The following NDUFB7 variants were observed in gnomAD, a reference collection of about 807,000 sequenced individuals.
NDUFB7 encodes NADH:ubiquinone oxidoreductase subunit B7.
In NDUFB7, 18 loss-of-function variants were observed where a neutral mutation model predicts 14.7. The observed-to-expected ratio is 1.22, with a 90% CI of 0.85 to 1.81. The LOEUF is 1.81. NDUFB7 is among the 40% of genes most tolerant of loss of function. The pLI, the probability that NDUFB7 is intolerant of heterozygous loss-of-function variation, is 0.00. For missense variants in NDUFB7, 219 were observed against 195.0 expected (o/e 1.12, Z -0.73); for synonymous variants, 86 against 76.1 (o/e 1.13, Z -0.68).
In NDUFB7 at chr19:14,566,828, C is replaced by T. The variant is rs13018; in HGVS notation, c.218G>A (p.Ser73Asn). The change falls in exon 2 of 3, where the codon AGC becomes AAC. Residue 73 changes from serine to asparagine, a missense_variant. Coordinates refer to ENST00000215565, the MANE Select transcript of NDUFB7 (RefSeq NM_004146.6). The part of the protein sequence containing the change: ...LIRLLKCKRD[S>N]FPNFLACKQE... ...CTTGCAGGCCAGGAAGTTGGGGAAG[C>T]TGTCACGCTTGCACTTGAGCAGCCG... 1 of 1,553,590 alleles carries T rather than the reference C, an allele frequency of 6.4e-7. No individual in the cohort carries two copies. The highest frequency in any genetic ancestry group is 8.7e-7 in the Non-Finnish European group (1 of 1,150,156).
chr19:14,568,598 A>C (rs1032225533), intron 1 of NDUFB7, among the ~76,000 whole-genome samples: 17 of 152,108 alleles, frequency 1.1e-4, no homozygotes, highest in African/African-American at 3.4e-4. Flanking sequence ...AACACAACAC[A>C]CAAGTGTCCC....
chr19:14,566,654 G>C, intron 2 of NDUFB7, 111 bp downstream of exon 2: 1 of 982,472 alleles, frequency 1.0e-6, no homozygotes. Flanking sequence ...GTGGGAGGGG[G>C]GCTTGGGCGG....
intron 1 of NDUFB7, among the ~76,000 whole-genome samples, chr19:14,569,691 C>T (rs927910835): frequency 2.6e-5 from 4 of 152,144 alleles, no homozygotes; most frequent in African/African-American, 9.7e-5. Flanking sequence ...GGAGTGTGGA[C>T]ACTGGAGTGA....
intron 2 of NDUFB7, 82 bp from the exon 3 acceptor site, chr19:14,566,347 C>G (rs1052415639): frequency 6.3e-7 from 1 of 1,596,492 alleles, no homozygotes; most frequent in African/African-American, 1.3e-5. Flanking sequence ...AGGGGCCGTC[C>G]CAGAGCACTG....
rs760338415 is a variant in NDUFB7, at chr19:14,566,118, T to TG, written c.*14dup. 3.1e-6 allele frequency: 5 copies of TG among 1,604,484 alleles called. No individual in the cohort carries two copies. Among genetic ancestry groups the TG allele is most frequent in the Non-Finnish European group, 3.4e-6 (4 of 1,175,390 alleles). On this transcript the variant is annotated 3_prime_UTR_variant, in exon 3 of 3. Coordinates refer to ENST00000215565, the MANE Select transcript of NDUFB7 (RefSeq NM_004146.6). ...GCTTTTATTTGACTGGTCCATAGGG[T>TG]GGGGGGTGCACCCCCTACAGGGCCA... is the stretch of plus-strand genomic sequence containing the variant.
Position 14,567,960 on chromosome 19 carries a change from T to G in NDUFB7, c.113-1027A>C, listed in dbSNP as rs1183606098. ...CCAGGACCCCAGCCTCCCGCTTCCT[T>G]CTTTCCTGTGGCTCCTCCCACATCC... On this transcript the variant is annotated intron_variant, in intron 1 of 2. Transcript: ENST00000215565. The surrounding 1 kb of genome is among the most constrained non-coding windows in gnomAD (Gnocchi z 5.1). Among the ~76,000 whole-genome samples the G allele has an allele frequency of 6.6e-6, 1 of 152,162 alleles. No individual in the cohort carries two copies. Among genetic ancestry groups the G allele is most frequent in the Non-Finnish European group, 1.5e-5 (1 of 68,026 alleles).
chr19:14,568,265 G>C (rs1282030952), intron 1 of NDUFB7, among the ~76,000 whole-genome samples: 1 of 152,170 alleles, frequency 6.6e-6, no homozygotes, highest in Non-Finnish European at 1.5e-5. Flanking sequence ...GGCTGGTCTT[G>C]AACTCCTGAC....
intron 1 of NDUFB7, among the ~76,000 whole-genome samples, chr19:14,571,410 A>T (rs2074124238): frequency 6.6e-6 from 1 of 152,144 alleles, no homozygotes; most frequent in Non-Finnish European, 1.5e-5. Flanking sequence ...AGCCTGGCCA[A>T]CAAGGAGAAA....
Position 14,566,127 on chromosome 19 carries a change from C to T in NDUFB7, c.*6G>A, listed in dbSNP as rs928745923. Reference sequence around the variant, plus strand: ...TGACTGGTCCATAGGGTGGGGGGTGCACCCCCTACAGGGCCACCTTGGGGT... The same window carrying T: ...TGACTGGTCCATAGGGTGGGGGGTGTACCCCCTACAGGGCCACCTTGGGGT... On this transcript the variant is annotated 3_prime_UTR_variant, in exon 3 of 3. Coordinates refer to ENST00000215565, the MANE Select transcript of NDUFB7 (RefSeq NM_004146.6). 1 of 1,607,178 alleles carries T rather than the reference C, an allele frequency of 6.2e-7. No individual in the cohort carries two copies. Among genetic ancestry groups the T allele is most frequent in the South Asian group, 1.1e-5 (1 of 90,164 alleles).
At chr19:14,570,633 G>C (rs1044657115) in intron 1 of NDUFB7, among the ~76,000 whole-genome samples, 1 of 152,032 alleles carries the variant, frequency 6.6e-6, no homozygotes, top group Non-Finnish European at 1.5e-5. Flanking sequence ...CACCACGACC[G>C]GCCACCCTTC....
chr19:14,571,524 G>C (rs12980253), intron 1 of NDUFB7, among the ~76,000 whole-genome samples: 1 of 152,092 alleles, frequency 6.6e-6, no homozygotes, highest in Non-Finnish European at 1.5e-5. Flanking sequence ...TTGAACCCGG[G>C]AGGTGGAGGC....
chr19:14,570,234 C>G (rs11673123), intron 1 of NDUFB7, among the ~76,000 whole-genome samples: 78,145 of 151,154 alleles, frequency 0.52, 20,452 homozygotes, highest in African/African-American at 0.63. Context: ...GAGTCTTGCT[C>G]TGTCGCCCAG....
At chr19:14,570,186 C>T (rs1187019251) in intron 1 of NDUFB7, among the ~76,000 whole-genome samples, 3 of 151,542 alleles carry the variant, frequency 2.0e-5, no homozygotes, top group African/African-American at 4.9e-5. Context: ...CATAAGCCAC[C>T]GTGCCCGGCT....
Position 14,567,984 on chromosome 19 carries a change from C to G in NDUFB7, c.113-1051G>C, listed in dbSNP as rs995425635. Among the ~76,000 whole-genome samples the G allele has an allele frequency of 6.6e-6, 1 of 152,208 alleles. No homozygotes were observed. Among genetic ancestry groups the G allele is most frequent in the Non-Finnish European group, 1.5e-5 (1 of 68,030 alleles). On this transcript the variant is annotated intron_variant, in intron 1 of 2. Coordinates refer to ENST00000215565, the MANE Select transcript of NDUFB7 (RefSeq NM_004146.6). The surrounding 1 kb of genome is among the most constrained non-coding windows in gnomAD (Gnocchi z 5.1). The stretch of plus-strand genomic sequence containing the variant: ...TTCTTTCCTGTGGCTCCTCCCACAT[C>G]CCTCCTCCCCAGGTTTCCTCCCATC...
chr19:14,566,963 C>T, intron 1 of NDUFB7, 30 bp from the exon 2 acceptor site: 1 of 1,547,952 alleles, frequency 6.5e-7, no homozygotes, highest in Non-Finnish European at 8.7e-7. Context: ...CTCAACCAGG[C>T]TGGAGGCTCC....
At chr19:14,568,912 C>T (rs1182758844) in intron 1 of NDUFB7, among the ~76,000 whole-genome samples, 1 of 151,948 alleles carries the variant, frequency 6.6e-6, no homozygotes, top group Non-Finnish European at 1.5e-5. Context: ...CGGTGGCTCA[C>T]GCCTGTAAAC....
At position 14,567,698 on chromosome 19, in the gene NDUFB7, C is replaced by T. The variant is rs749093256; in HGVS notation, c.113-765G>A. ...GACCCAGCCTCCCTAGCCCTCCTGACGTCCACCACATCTTTCTCGGTCCCA... is the reference window on the plus strand; with the variant it reads ...GACCCAGCCTCCCTAGCCCTCCTGATGTCCACCACATCTTTCTCGGTCCCA... On this transcript the variant is annotated intron_variant, in intron 1 of 2. Transcript: ENST00000215565. This position sits in a 1 kb window ranked among gnomAD's most constrained non-coding sequence, Gnocchi z 5.1. 3.3e-5 allele frequency among the ~76,000 whole-genome samples: 5 copies of T among 152,162 alleles called. No homozygotes were observed. The highest frequency in any genetic ancestry group is 7.4e-5 in the Non-Finnish European group (5 of 68,020).
intron 1 of NDUFB7, among the ~76,000 whole-genome samples, chr19:14,568,391 T>C (rs926905725): frequency 2.0e-5 from 3 of 152,150 alleles, no homozygotes; most frequent in African/African-American, 7.2e-5. Context: ...ATGAGCCCGA[T>C]GTGGTCCCTC....
chr19:14,566,949 G>A lies in NDUFB7; in HGVS notation c.113-16C>T, dbSNP rs765237736. 1.1e-5 allele frequency: 18 copies of A among 1,566,814 alleles called. No homozygotes were observed. The highest frequency in any genetic ancestry group is 2.2e-4 in the Middle Eastern group (1 of 4,638). Reference sequence around the variant, plus strand: ...GCCACCATCTCTGCAGGGAGTGGGCGGGGCTCAACCAGGCTGGAGGCTCCC... The same window carrying A: ...GCCACCATCTCTGCAGGGAGTGGGCAGGGCTCAACCAGGCTGGAGGCTCCC... On this transcript the variant is annotated splice_polypyrimidine_tract_variant and intron_variant, in intron 1 of 2. Transcript: ENST00000215565.
Sources: gnomAD v4.1 joint callset for allele counts (sites outside exome capture counted in the v4.1 genomes callset) on GRCh38, gnomAD v4.1.1 for gene constraint, Gnocchi (gnomAD v3.1) non-coding constraint, MANE v1.5 for transcripts, NCBI Gene and HGNC (gene_info 2026-07-23, HGNC 2026-07-21) for gene names.